Variants in HSF5 observed in about 807,000 individuals in gnomAD.
HSF5 encodes the protein heat shock factor protein 5.
Under a neutral mutation model 50.8 loss-of-function variants are expected in HSF5, and 5 were observed. The ratio of observed to expected loss-of-function variants is 0.10; its 90% CI spans 0.05 to 0.21. The LOEUF (loss-of-function observed/expected upper bound fraction) is 0.21. Among genes scored for constraint, HSF5 ranks in the 10% least tolerant of loss-of-function variants. The pLI is 1.00. For synonymous variants in HSF5, 307 were observed against 307.4 expected (o/e 1.00, Z 0.02); for missense variants, 564 against 762.6 (o/e 0.74, Z 3.07).
At chr17:58,423,572 C>T (rs923856093) in intron 5 of HSF5, among the ~76,000 whole-genome samples, 3 of 151,150 alleles carry the variant, frequency 2.0e-5, no homozygotes, top group Non-Finnish European at 4.4e-5. Flanking sequence ...CTCCGCCTCC[C>T]GGGTTCATGC....
intron 5 of HSF5, among the ~76,000 whole-genome samples, chr17:58,441,590 T>C (rs995966709): frequency 1.3e-5 from 2 of 151,982 alleles, no homozygotes; most frequent in South Asian, 2.1e-4. Context: ...TGAAAAGAAG[T>C]AGGCAACAAA....
intron 5 of HSF5, among the ~76,000 whole-genome samples, chr17:58,450,895 C>A (rs1598189159): frequency 6.6e-6 from 1 of 151,948 alleles, no homozygotes; most frequent in South Asian, 2.1e-4. Flanking sequence ...TTGAGACCAG[C>A]CTGGCCAACA....
intron 2 of HSF5, chr17:58,476,744 G>C (rs560214776): frequency 1.3e-6 from 2 of 1,597,534 alleles, no homozygotes; most frequent in Non-Finnish European, 1.7e-6. Flanking sequence ...GATCTCTTCT[G>C]AAAAAAATGG....
At position 58,427,375 on chromosome 17, in the gene HSF5, G is replaced by A. The variant is rs547055623; in HGVS notation, c.1721-4945C>T. Among the ~76,000 whole-genome samples, 53 of 152,262 alleles carry A rather than the reference G, an allele frequency of 3.5e-4. No homozygotes were observed. The East Asian group carries it at 8.9e-3, about 25-fold the overall frequency. On this transcript the variant is annotated intron_variant, in intron 5 of 5. Coordinates refer to ENST00000323777, the MANE Select transcript of HSF5 (RefSeq NM_001080439.3). ...TTAGTTTTTAAATTTTTATAATTTA[G>A]TTACGGAAGGGCACTGATAAGTTCT...
At chr17:58,450,263 C>A (rs1295293585) in intron 5 of HSF5, among the ~76,000 whole-genome samples, 1 of 139,362 alleles carries the variant, frequency 7.2e-6, no homozygotes, top group Non-Finnish European at 1.5e-5. Context: ...CATTTGAACC[C>A]AGGAGGCAGA....
chr17:58,427,711 A>G (rs958704847), intron 5 of HSF5, among the ~76,000 whole-genome samples: 1 of 152,254 alleles, frequency 6.6e-6, no homozygotes, highest in Non-Finnish European at 1.5e-5. Context: ...TTGGTCATCT[A>G]TGAGAACTAA....
intron 5 of HSF5, among the ~76,000 whole-genome samples, chr17:58,446,887 G>A (rs1003138065): frequency 6.6e-6 from 1 of 152,202 alleles, no homozygotes; most frequent in South Asian, 2.1e-4. Context: ...AGCACTTTGG[G>A]AGGCCGAGGA....
At chr17:58,442,984 CT>C (rs1026411742) in intron 5 of HSF5, among the ~76,000 whole-genome samples, 17 of 151,984 alleles carry the variant, frequency 1.1e-4, no homozygotes, top group African/African-American at 4.1e-4. Context: ...TCTCGGCTCA[CT>C]GCAAGCTCTG....
intron 5 of HSF5, among the ~76,000 whole-genome samples, chr17:58,457,234 C>T (rs1273823172): frequency 6.0e-5 from 9 of 149,344 alleles, no homozygotes; most frequent in East Asian, 3.9e-4. Flanking sequence ...CACTACAGCC[C>T]GGGCAACAGA....
chr17:58,453,786 TTCAGTAAAATTCAACATCCTGGCCGGGCA>T (rs553714949), intron 5 of HSF5, among the ~76,000 whole-genome samples: 16 of 152,078 alleles, frequency 1.1e-4, no homozygotes, highest in African/African-American at 3.9e-4. Flanking sequence ...TAAAAAATCA[TTCAGTAAAATTCAACATCCTGGCCGGGCA>T]TGGTGGATCA....
At chr17:58,472,900 C>T (rs2143796242) in intron 2 of HSF5, among the ~76,000 whole-genome samples, 1 of 152,214 alleles carries the variant, frequency 6.6e-6, no homozygotes, top group Non-Finnish European at 1.5e-5. Context: ...CCACCAGCAG[C>T]ATAAAAAGGT....
At chr17:58,458,211 T>C (rs1016380584) in intron 5 of HSF5, among the ~76,000 whole-genome samples, 1 of 152,226 alleles carries the variant, frequency 6.6e-6, no homozygotes, top group Non-Finnish European at 1.5e-5. Context: ...GATTTTGTCT[T>C]ATTAGAATCA....
At chr17:58,474,122 G>C (rs1974982367) in intron 2 of HSF5, among the ~76,000 whole-genome samples, 1 of 151,942 alleles carries the variant, frequency 6.6e-6, no homozygotes, top group South Asian at 2.1e-4. Flanking sequence ...ATTTAATTTT[G>C]GTAAAGTCAT....
chr17:58,469,580 A>C (rs1342361425), intron 2 of HSF5, among the ~76,000 whole-genome samples: 1 of 152,254 alleles, frequency 6.6e-6, no homozygotes, highest in Non-Finnish European at 1.5e-5. Flanking sequence ...AAAATAGAAC[A>C]AAGTATTAGT....
intron 5 of HSF5, among the ~76,000 whole-genome samples, chr17:58,429,382 A>G (rs770855954): frequency 1.3e-5 from 2 of 152,204 alleles, no homozygotes; most frequent in African/African-American, 2.4e-5. Context: ...ACACTTTAAA[A>G]TGTTTAACTT....
At chr17:58,427,817 T>C (rs1272887830) in intron 5 of HSF5, among the ~76,000 whole-genome samples, 1 of 152,184 alleles carries the variant, frequency 6.6e-6, no homozygotes, top group African/African-American at 2.4e-5. Context: ...GCTGCAAAAA[T>C]ATCAGAAGCT....
rs1244758706 is a variant in HSF5, at chr17:58,420,196, C to A, written c.*2164G>T. ...GTTGGAACACTCACTTTATTGTTGA[C>A]TGATTGAAATTTATCAGTGCTTAAG... is the stretch of plus-strand genomic sequence containing the variant. On this transcript the variant is annotated 3_prime_UTR_variant, in exon 6 of 6. Transcript: ENST00000323777. 6.6e-6 allele frequency: 1 copy of A among 152,218 alleles called. No homozygotes were observed. The highest frequency in any genetic ancestry group is 1.5e-5 in the Non-Finnish European group (1 of 68,024). The allele number at this position is 152,218 out of a possible 1,614,324, so 9.4% of individuals were successfully genotyped here.
At position 58,463,151 on chromosome 17, in the gene HSF5, T is replaced by C. The variant is rs1315815888; in HGVS notation, c.1173A>G (p.Val391=). The change falls in exon 4 of 6, where the codon GTA becomes GTG. Residue 391 remains valine (V), a synonymous_variant. Transcript: ENST00000323777. ...ACTGATTCTCAACAGGCTCCACCTTTACCATCTCCAATTTAGGGGAGGAAT... is the reference window on the plus strand; with the variant it reads ...ACTGATTCTCAACAGGCTCCACCTTCACCATCTCCAATTTAGGGGAGGAAT... ...ELHSSPKLEM[V]KVEPVENQCP... 6.2e-7 allele frequency: 1 copy of C among 1,614,216 alleles called. No homozygotes were observed. Among genetic ancestry groups the C allele is most frequent in the Admixed American group, 1.7e-5 (1 of 60,030 alleles).
chr17:58,448,459 CAAAG>C (rs1974591506), intron 5 of HSF5, among the ~76,000 whole-genome samples: 1 of 151,964 alleles, frequency 6.6e-6, no homozygotes, highest in South Asian at 2.1e-4. Flanking sequence ...AGATCAAGAA[CAAAG>C]AAAGAATCCT....
Sources: gnomAD v4.1 joint callset for allele counts (sites outside exome capture counted in the v4.1 genomes callset) on GRCh38, gnomAD v4.1.1 for gene constraint, MANE v1.5 for transcripts, NCBI Gene and HGNC (gene_info 2026-07-23, HGNC 2026-07-21) for gene names.